Variants in NLRP6 observed in about 807,000 individuals in gnomAD.
NLRP6 encodes the protein NLR family pyrin domain containing 6.
In NLRP6, 55 loss-of-function variants were observed where a neutral mutation model predicts 70.9. That is an observed-to-expected ratio of 0.78 (90% CI 0.62 to 0.97). The LOEUF (loss-of-function observed/expected upper bound fraction) is 0.97, where lower values mean the gene tolerates loss of function less well. Among genes scored for constraint, NLRP6 ranks in the 50% least tolerant of loss-of-function variants. The probability of loss-of-function intolerance (pLI) is 0.00; values close to 1 mark genes in which losing one functional copy is unlikely to be tolerated. For missense variants in NLRP6, 1,241 were observed against 1,238.3 expected, an observed-to-expected ratio of 1.00 and a Z score of -0.03; for synonymous variants, 652 against 581.9, an observed-to-expected ratio of 1.12 and a Z score of -1.73.
At chr11:280,050 C>T in intron 3 of NLRP6, 34 bp from the exon 4 acceptor site, 1 of 1,456,436 alleles carries the variant, frequency 6.9e-7, no homozygotes, top group Non-Finnish European at 9.1e-7. Flanking sequence ...CCACCTCCGA[C>T]CCTTGTCCCC....
chr11:284,693 G>C lies in NLRP6; in HGVS notation c.2537+51G>C, dbSNP rs769447695. On this transcript the variant is annotated intron_variant, in intron 7 of 7. Transcript: ENST00000534750. ...TGGGGACACAGCCTGTCAACCCGGG[G>C]AGGGGGAGGGTGCCTGGGGGCTCCC... 3.9e-6 allele frequency: 6 copies of C among 1,531,938 alleles called. No homozygotes were observed. In the Admixed American group the frequency reaches 5.5e-5, roughly 14 times the overall value. 94.9% of individuals were successfully genotyped at this position (1,531,938 alleles called of 1,614,324 possible). A position where few individuals can be genotyped will look rare whatever the true frequency, so the allele number is the denominator to read the frequency against.
rs370068708 is a variant in NLRP6 at position 279,834 on chromosome 11, G to C, written c.311G>C (p.Arg104Pro). ...AAQLQERRLQ[R>P]LGLGSGTLLS... ...AACCTCACCCCAGTTTCCCTTCCAG[G>C]GCTCGGGCTCGGCTCCGGGACGCTG... Residue 104 changes from arginine (R) to proline (P), a missense_variant and splice_region_variant, in exon 3 of 8, where the codon CGG becomes CCG. Coordinates refer to ENST00000534750, the MANE Select transcript of NLRP6 (RefSeq NM_001276700.2). The C allele has an allele frequency of 2.2e-5, 35 of 1,576,436 alleles. No individual in the cohort carries two copies. Among genetic ancestry groups the C allele is most frequent in the Non-Finnish European group, 3.0e-5 (35 of 1,164,916 alleles).
intron 7 of NLRP6, 131 bp downstream of exon 7, chr11:284,773 A>C: frequency 1.2e-6 from 1 of 868,002 alleles, no homozygotes; most frequent in Non-Finnish European, 1.7e-6. Context: ...CTGAGCTCAA[A>C]CACTGACCTG....
rs1216282851 is a variant in NLRP6, at chr11:278,540, G to A, written c.-30G>A. 1 of 1,541,452 alleles carries A rather than the reference G, an allele frequency of 6.5e-7. No individual in the cohort carries two copies. Among genetic ancestry groups the A allele is most frequent in the Admixed American group, 2.1e-5 (1 of 48,590 alleles). On this transcript the variant is annotated 5_prime_UTR_variant, in exon 1 of 8. Coordinates refer to ENST00000534750, the MANE Select transcript of NLRP6 (RefSeq NM_001276700.2). This position sits in a 1 kb window ranked among gnomAD's most constrained non-coding sequence, Gnocchi z 4.7. The stretch of plus-strand genomic sequence containing the variant: ...CTCTCTGATCCCCACCTCTGCCCCG[G>A]AGTGCTAGACCCAGGGAGGAAGAGA...
At chr11:283,432 G>A (rs1845506972) in intron 5 of NLRP6, among the ~76,000 whole-genome samples, 1 of 149,902 alleles carries the variant, frequency 6.7e-6, no homozygotes, top group Admixed American at 6.7e-5. Flanking sequence ...TCCTGCCTCA[G>A]CCTACTGAGT....
Position 284,583 on chromosome 11 carries a change from C to G in NLRP6, c.2478C>G (p.Pro826=). The G allele has an allele frequency of 6.2e-7, 1 of 1,612,152 alleles. No homozygotes were observed. Among genetic ancestry groups the G allele is most frequent in the Non-Finnish European group, 8.5e-7 (1 of 1,179,870 alleles). Residue 826 remains proline, a synonymous_variant, in exon 7 of 8, where the codon CCC becomes CCG. Transcript: ENST00000534750. ...TCAGCGGCTGCCAACTGCCCGCCCC[C>G]ATGGTGACCTACCTGTGTGCAGTCC... ...LDLSGCQLPA[P]MVTYLCAVLQ...
In NLRP6 at chr11:279,961, TG is replaced by T. The variant is rs1245808271; in HGVS notation, c.349+92del. On this transcript the variant is annotated intron_variant, in intron 3 of 7. Coordinates refer to ENST00000534750, the MANE Select transcript of NLRP6 (RefSeq NM_001276700.2). ...CGGGGTGGGAGGGCCGCCAGGGGCG[TG>T]GGCTGTGGTCCCGTAGAGGAAACTG... 4 of 1,417,988 alleles carry T rather than the reference TG, an allele frequency of 2.8e-6. No individual in the cohort carries two copies. The African/African-American group carries it at 4.5e-5, about 16-fold the overall frequency. 87.8% of individuals were successfully genotyped at this position (1,417,988 alleles called of 1,614,324 possible). A position where few individuals can be genotyped will look rare whatever the true frequency, so the allele number is the denominator to read the frequency against.
intron 5 of NLRP6, among the ~76,000 whole-genome samples, chr11:283,795 A>G (rs938287425): frequency 3.3e-5 from 5 of 152,098 alleles, no homozygotes; most frequent in African/African-American, 9.7e-5. Context: ...GGAGATAAAC[A>G]TAAGAACCAA....
chr11:279,730 C>A, intron 2 of NLRP6, 104 bp from the exon 3 acceptor site: 1 of 1,351,532 alleles, frequency 7.4e-7, no homozygotes. Context: ...AATTCGCGGG[C>A]CCCAGGGGTA....
chr11:278,627 G>T lies in NLRP6; in HGVS notation c.29+29G>T. On this transcript the variant is annotated intron_variant, in intron 1 of 7. Transcript: ENST00000534750. The surrounding 1 kb of genome is among the most constrained non-coding windows in gnomAD (Gnocchi z 4.7). The stretch of plus-strand genomic sequence containing the variant: ...AGTGCTGGCCCCAGGGTGGTCACTG[G>T]GAACCGGCTGGTCTCAGCCCTCTGG... 1 of 1,567,030 alleles carries T rather than the reference G, an allele frequency of 6.4e-7. No homozygotes were observed. The highest frequency in any genetic ancestry group is 2.5e-5 in the East Asian group (1 of 40,648).
At chr11:285,095 C>A in intron 7 of NLRP6, 71 bp from the exon 8 acceptor site, 1 of 1,442,922 alleles carries the variant, frequency 6.9e-7, no homozygotes, top group Non-Finnish European at 9.4e-7. Context: ...GCTGCCCCCA[C>A]GGCACTGCCC....
chr11:280,249 G>T lies in NLRP6; in HGVS notation c.515G>T (p.Gly172Val), dbSNP rs1315370250. Residue 172 changes from glycine (G) to valine (V), a missense_variant, in exon 4 of 8, where the codon GGG (glycine) becomes GTG (valine). Transcript: ENST00000534750. ...GGGCCCGCGGAAGAGCCTGAGCCGG[G>T]GCGCGCGCGGCGCTCGGACACGCAC... ...AMGPAEEPEP[G>V]RARRSDTHTF... The T allele has an allele frequency of 6.5e-7, 1 of 1,527,072 alleles. No individual in the cohort carries two copies. The highest frequency in any genetic ancestry group is 1.2e-5 in the South Asian group (1 of 82,056). The allele number at this position is 1,527,072 out of a possible 1,614,324, so 94.6% of individuals were successfully genotyped here.
intron 3 of NLRP6, 23 bp from the exon 4 acceptor site, chr11:280,061 G>T: frequency 6.8e-7 from 1 of 1,459,928 alleles, no homozygotes; most frequent in East Asian, 2.6e-5. Context: ...CCTTGTCCCC[G>T]CGCTGTCTCC....
rs755846775 is a variant in NLRP6 at position 281,210 on chromosome 11, G to A, written c.1476G>A (p.Glu492=). ...AGCTGCCGGGCGTGCTGGAGACAGAGGTCACCTACCAGTTCATCGACCAGA... is the reference window on the plus strand; with the variant it reads ...AGCTGCCGGGCGTGCTGGAGACAGAAGTCACCTACCAGTTCATCGACCAGA... ...KKELPGVLET[E]VTYQFIDQSF... Residue 492 remains glutamate, a synonymous_variant, in exon 4 of 8, where the codon GAG becomes GAA. Transcript: ENST00000534750. The A allele has an allele frequency of 6.2e-7, 1 of 1,613,244 alleles. No homozygotes were observed. The highest frequency in any genetic ancestry group is 1.7e-5 in the Admixed American group (1 of 60,036).
At position 282,563 on chromosome 11, in the gene NLRP6, G is replaced by C; in HGVS notation, c.2106-142G>C. 5.8e-6 allele frequency: 4 copies of C among 694,426 alleles called. No homozygotes were observed. In the Admixed American group the frequency reaches 6.1e-5, roughly 11 times the overall value. 43.0% of individuals were successfully genotyped at this position (694,426 alleles called of 1,614,324 possible). A position where few individuals can be genotyped will look rare whatever the true frequency, so the allele number is the denominator to read the frequency against. ...GTGGTTTTGCTCTGGGTTTGGTTGG[G>C]GGAGTGTGAAGGGGGTGGCTCAGCA... On this transcript the variant is annotated intron_variant, in intron 4 of 7. Coordinates refer to ENST00000534750, the MANE Select transcript of NLRP6 (RefSeq NM_001276700.2).
Position 278,510 on chromosome 11 carries a change from A to G in NLRP6, c.-60A>G. On this transcript the variant is annotated 5_prime_UTR_variant, in exon 1 of 8. Coordinates refer to ENST00000534750, the MANE Select transcript of NLRP6 (RefSeq NM_001276700.2). The surrounding 1 kb of genome is among the most constrained non-coding windows in gnomAD (Gnocchi z 4.7). ...TGGCTCCAGCTCAGCCTGTGAAGGA[A>G]TCACCTCTCTGATCCCCACCTCTGC... The G allele has an allele frequency of 1.4e-6, 2 of 1,410,432 alleles. No individual in the cohort carries two copies. Among genetic ancestry groups the G allele is most frequent in the Non-Finnish European group, 1.9e-6 (2 of 1,056,634 alleles). 87.4% of individuals were successfully genotyped at this position (1,410,432 alleles called of 1,614,324 possible).
chr11:282,646 C>T, intron 4 of NLRP6, 59 bp from the exon 5 acceptor site: 1 of 1,356,128 alleles, frequency 7.4e-7, no homozygotes, highest in South Asian at 1.2e-5. Context: ...GACAGGAGTC[C>T]TTTCCGGCAG....
chr11:281,680 T>C lies in NLRP6; in HGVS notation c.1946T>C (p.Val649Ala). 6.2e-7 allele frequency: 1 copy of C among 1,613,358 alleles called. No individual in the cohort carries two copies. Among genetic ancestry groups the C allele is most frequent in the South Asian group, 1.1e-5 (1 of 91,074 alleles). ...CRFPELALQR[V>A]RFCRMDVAVL... is the part of the protein sequence containing the mutation. Reference sequence around the variant, plus strand: ...TTCCCGGAGCTGGCGCTGCAGCGAGTGCGCTTCTGCCGCATGGACGTGGCT... The same window carrying C: ...TTCCCGGAGCTGGCGCTGCAGCGAGCGCGCTTCTGCCGCATGGACGTGGCT... The change falls in exon 4 of 8, where the codon GTG becomes GCG. Residue 649 changes from valine to alanine, a missense_variant. By Grantham distance (64) the Val-to-Ala change is moderately conservative. Coordinates refer to ENST00000534750, the MANE Select transcript of NLRP6 (RefSeq NM_001276700.2).
Position 280,547 on chromosome 11 carries a change from G to T in NLRP6, c.813G>T (p.Pro271=), listed in dbSNP as rs781151412. 13 of 1,534,854 alleles carry T rather than the reference G, an allele frequency of 8.5e-6. No homozygotes were observed. Among genetic ancestry groups the T allele is most frequent in the Non-Finnish European group, 1.1e-5 (13 of 1,153,050 alleles). ...CGGTGCCGCAGATGCTGGCCCAGCCGCAGCGGCTGCTCTTCATCCTGGACG... is the reference window on the plus strand; with the variant it reads ...CGGTGCCGCAGATGCTGGCCCAGCCTCAGCGGCTGCTCTTCATCCTGGACG... The part of the protein sequence containing the change: ...GAPVPQMLAQ[P]QRLLFILDGA... Residue 271 remains proline (P), a synonymous_variant, in exon 4 of 8, where the codon CCG becomes CCT. Coordinates refer to ENST00000534750, the MANE Select transcript of NLRP6 (RefSeq NM_001276700.2).
Sources: gnomAD v4.1 joint callset for allele counts (sites outside exome capture counted in the v4.1 genomes callset) on GRCh38, gnomAD v4.1.1 for gene constraint, Gnocchi (gnomAD v3.1) non-coding constraint, MANE v1.5 for transcripts, NCBI Gene and HGNC (gene_info 2026-07-23, HGNC 2026-07-21) for gene names.